RPS9: variants seen among roughly 807,000 people sequenced by gnomAD.
RPS9 encodes the protein small ribosomal subunit protein uS4.
RPS9 carries 1 observed loss-of-function variant against 16.9 expected under a neutral mutation model. The ratio of observed to expected loss-of-function variants is 0.06; its 90% CI spans 0.02 to 0.28. The LOEUF is 0.28. Among genes scored for constraint, RPS9 ranks in the 10% least tolerant of loss-of-function variants. The pLI is 1.00. For synonymous variants in RPS9, 106 were observed against 110.9 expected, an observed-to-expected ratio of 0.96 and a Z score of 0.28; for missense variants, 137 against 273.2, an observed-to-expected ratio of 0.50 and a Z score of 3.51.
intron 3 of RPS9, chr19:54,202,345 C>G: frequency 1.2e-6 from 1 of 812,734 alleles, no homozygotes; most frequent in Non-Finnish European, 1.5e-6. Context: ...GCCACCAAGC[C>G]TGGCTAATTT....
intron 2 of RPS9, 63 bp from the exon 3 acceptor site, chr19:54,201,424 T>C: frequency 3.1e-6 from 5 of 1,610,322 alleles, no homozygotes. Flanking sequence ...ATTCCAAAGC[T>C]GCCAGTCTAG....
chr19:54,201,275 C>G lies in RPS9; in HGVS notation c.91C>G (p.Leu31Val), dbSNP rs1180659268. 31 of 1,613,896 alleles carry G rather than the reference C, an allele frequency of 1.9e-5. No individual in the cohort carries two copies. Among genetic ancestry groups the G allele is most frequent in the Non-Finnish European group, 2.3e-5 (27 of 1,179,962 alleles). ...ATCTCGTCTCGACCAAGAGCTGAAGCTGATCGGTGAGTGGCCAAGGCTTCC... is the reference window on the plus strand; with the variant it reads ...ATCTCGTCTCGACCAAGAGCTGAAGGTGATCGGTGAGTGGCCAAGGCTTCC... The part of the protein sequence containing the change: ...EKSRLDQELK[L>V]IGEYGLRNKR... The change falls in exon 2 of 5, where the codon CTG (leucine) becomes GTG (valine). Residue 31 changes from leucine (L) to valine (V), a missense_variant. Transcript: ENST00000302907.
Position 54,201,576 on chromosome 19 carries a change from C to G in RPS9, c.187C>G (p.Leu63Val), listed in dbSNP as rs781238845. ...CAAGGCCGCCCGGGAACTGCTGACG[C>G]TTGATGAGAAGGACCCACGGCGTCT... ...IRKAARELLT[L>V]DEKDPRRLFE... Residue 63 changes from leucine to valine, a missense_variant, in exon 3 of 5, where the codon CTT becomes GTT. Physicochemically the swap from Leu to Val is conservative, Grantham distance 32. Coordinates refer to ENST00000302907, the MANE Select transcript of RPS9 (RefSeq NM_001013.4). 4.3e-6 allele frequency: 7 copies of G among 1,614,114 alleles called. No homozygotes were observed. The highest frequency in any genetic ancestry group is 2.2e-5 in the East Asian group (1 of 44,884).
At position 54,201,589 on chromosome 19, in the gene RPS9, A is replaced by T; in HGVS notation, c.200A>T (p.Asp67Val). The T allele has an allele frequency of 6.2e-7, 1 of 1,614,076 alleles. No individual in the cohort carries two copies. The highest frequency in any genetic ancestry group is 8.5e-7 in the Non-Finnish European group (1 of 1,180,018). ...ARELLTLDEK[D>V]PRRLFEGNAL... is the part of the protein sequence containing the mutation. Reference sequence around the variant, plus strand: ...GAACTGCTGACGCTTGATGAGAAGGACCCACGGCGTCTGTTCGAAGGTGCG... The same window carrying T: ...GAACTGCTGACGCTTGATGAGAAGGTCCCACGGCGTCTGTTCGAAGGTGCG... The change falls in exon 3 of 5, where the codon GAC becomes GTC. Residue 67 changes from aspartate (D) to valine (V), a missense_variant. By Grantham distance (152) the Asp-to-Val change is radical. Coordinates refer to ENST00000302907, the MANE Select transcript of RPS9 (RefSeq NM_001013.4).
chr19:54,206,737 G>C (rs1226511490), intron 4 of RPS9: 5 of 1,474,962 alleles, frequency 3.4e-6, no homozygotes, highest in Non-Finnish European at 4.5e-6. Flanking sequence ...AACAGCTCTT[G>C]GTGTCCCCAG....
At chr19:54,204,382 G>A (rs36102336) in intron 3 of RPS9, among the ~76,000 whole-genome samples, 46,552 of 152,070 alleles carry the variant, frequency 0.31, 8,399 homozygotes, top group East Asian at 0.43. Flanking sequence ...GATAATAAAT[G>A]TGAAACATTT....
chr19:54,203,186 T>A, intron 3 of RPS9: 1 of 933,822 alleles, frequency 1.1e-6, no homozygotes, highest in Non-Finnish European at 1.3e-6. Flanking sequence ...AAACTTACAG[T>A]CATGTGAGAA....
At chr19:54,201,833 TTAGTAATGACCAGAGCTAAAGA>T in intron 3 of RPS9, 8 of 917,828 alleles carry the variant, frequency 8.7e-6, no homozygotes, top group Non-Finnish European at 1.3e-5. Context: ...GACCTTCAGT[TTAGTAATGACCAGAGCTAAAGA>T]TAGGCCTGGC....
Position 54,206,282 on chromosome 19 carries a change from C to G in RPS9, c.227C>G (p.Ala76Gly). 6.2e-7 allele frequency: 1 copy of G among 1,612,590 alleles called. No individual in the cohort carries two copies. The highest frequency in any genetic ancestry group is 2.2e-5 in the East Asian group (1 of 44,832). Residue 76 changes from alanine to glycine, a missense_variant, in exon 4 of 5, where the codon GCC becomes GGC. Ala to Gly is a moderately conservative substitution (Grantham distance 60). Around this residue, in one of 3 missense-constraint regions of RPS9, gnomAD observed 64 missense variants for 164.0 expected, o/e 0.39. Coordinates refer to ENST00000302907, the MANE Select transcript of RPS9 (RefSeq NM_001013.4). The part of the protein sequence containing the change: ...KDPRRLFEGN[A>G]LLRRLVRIGV... ...TTCCTCCCACTCTTCCCAGGCAACG[C>G]CCTGCTGCGGCGGCTGGTCCGCATT...
intron 3 of RPS9, chr19:54,203,304 A>G: frequency 1.0e-6 from 1 of 985,400 alleles, no homozygotes; most frequent in Non-Finnish European, 1.2e-6. Flanking sequence ...AAATGAAGCC[A>G]TCTAGCCTAG....
chr19:54,206,574 A>T, intron 4 of RPS9, 112 bp downstream of exon 4: 1 of 1,557,096 alleles, frequency 6.4e-7, no homozygotes, highest in Non-Finnish European at 8.7e-7. Flanking sequence ...GATGGGTGTG[A>T]ACTCACCCAG....
intron 2 of RPS9, 69 bp downstream of exon 2, chr19:54,201,350 C>T (rs2077043183): frequency 1.9e-6 from 3 of 1,612,030 alleles, no homozygotes; most frequent in East Asian, 2.2e-5. Flanking sequence ...ATGAAGGTGC[C>T]CATGTACTCT....
In RPS9 at chr19:54,201,662, A is replaced by G. The variant is rs1342201217; in HGVS notation, c.220+53A>G. ...ATGGGGTGCAGGGCTTGTGAGGTTC[A>G]TTCTCCCTTCTGTTGCCTCTGTTCC... On this transcript the variant is annotated intron_variant, in intron 3 of 4. Coordinates refer to ENST00000302907, the MANE Select transcript of RPS9 (RefSeq NM_001013.4). The G allele has an allele frequency of 1.9e-6, 3 of 1,606,676 alleles. No individual in the cohort carries two copies. In the African/African-American group the frequency reaches 4.0e-5, roughly 21 times the overall value.
chr19:54,204,352 C>T (rs552962989), intron 3 of RPS9, among the ~76,000 whole-genome samples: 4 of 152,186 alleles, frequency 2.6e-5, no homozygotes, highest in South Asian at 2.1e-4. Flanking sequence ...GCAACGAGAG[C>T]GAAACTCTGT....
intron 3 of RPS9, among the ~76,000 whole-genome samples, chr19:54,204,016 C>G (rs1184229143): frequency 6.6e-6 from 1 of 152,144 alleles, no homozygotes; most frequent in Non-Finnish European, 1.5e-5. Flanking sequence ...CTGTTGAAAA[C>G]TATTGTCTTC....
At chr19:54,201,840 T>C (rs1408377488) in intron 3 of RPS9, 1 of 846,342 alleles carries the variant, frequency 1.2e-6, no homozygotes, top group Non-Finnish European at 1.7e-6. Flanking sequence ...AGTTTAGTAA[T>C]GACCAGAGCT....
In RPS9 at chr19:54,200,894, G is replaced by A; in HGVS notation, c.-26+6G>A. The A allele has an allele frequency of 7.8e-7, 1 of 1,288,472 alleles. No individual in the cohort carries two copies. Among genetic ancestry groups the A allele is most frequent in the Non-Finnish European group, 9.8e-7 (1 of 1,017,736 alleles). 79.8% of individuals were successfully genotyped at this position (1,288,472 alleles called of 1,614,324 possible). A position where few individuals can be genotyped will look rare whatever the true frequency, so the allele number is the denominator to read the frequency against. ...TGACCGGGTGGTTTGCTTAGGTGAG[G>A]TGCGGTGGTGTGCTTTTTCTCTAGG... On this transcript the variant is annotated splice_donor_region_variant and intron_variant, in intron 1 of 4. Coordinates refer to ENST00000302907, the MANE Select transcript of RPS9 (RefSeq NM_001013.4).
At chr19:54,203,197 A>C in intron 3 of RPS9, 2 of 936,944 alleles carry the variant, frequency 2.1e-6, no homozygotes, top group Non-Finnish European at 2.5e-6. Flanking sequence ...CATGTGAGAA[A>C]GCGGTGCAGG....
Position 54,207,591 on chromosome 19 carries a change from C to T in RPS9, c.*16C>T. On this transcript the variant is annotated 3_prime_UTR_variant, in exon 5 of 5. Transcript: ENST00000302907. The stretch of plus-strand genomic sequence containing the variant: ...GGAGGATTAAGTCCACCTGTCCCTC[C>T]TGGGCTGCTGGATTGTCTCGTTTTC... 6.3e-7 allele frequency: 1 copy of T among 1,581,794 alleles called. No individual in the cohort carries two copies. The highest frequency in any genetic ancestry group is 8.6e-7 in the Non-Finnish European group (1 of 1,162,592).
Sources: allele counts gnomAD v4.1 joint callset (sites outside exome capture counted in the v4.1 genomes callset), GRCh38; gene constraint gnomAD v4.1.1; regional missense constraint gnomAD v4.1.1; transcripts MANE v1.5; gene names NCBI Gene and HGNC (gene_info 2026-07-23, HGNC 2026-07-21).